The following ZNF791 variants were observed in gnomAD, a reference collection of about 807,000 sequenced individuals.
The protein encoded by ZNF791 is zinc finger protein 791.
In ZNF791, 4 loss-of-function variants were observed where a neutral mutation model predicts 11.5. That is an observed-to-expected ratio of 0.35 (90% CI 0.17 to 0.80). The LOEUF is 0.80. Ranked by LOEUF, ZNF791 falls within the 30% of genes least tolerant of loss-of-function variation. ZNF791 has a pLI of 0.53. For missense variants in ZNF791, 559 were observed against 699.4 expected (o/e 0.80, Z 2.26); for synonymous variants, 212 against 228.1 (o/e 0.93, Z 0.64).
chr19:12,612,206 C>CTT (rs766573356), intron 1 of ZNF791: 622 of 622,554 alleles, frequency 1.0e-3, no homozygotes, highest in Non-Finnish European at 1.1e-3. Flanking sequence ...TTATTATTTT[C>CTT]TTTTTTTTTT....
intron 1 of ZNF791, among the ~76,000 whole-genome samples, chr19:12,613,701 C>A (rs2023196710): frequency 6.6e-6 from 1 of 152,164 alleles, no homozygotes; most frequent in African/African-American, 2.4e-5. Flanking sequence ...CACCTTTGAG[C>A]CTGCAAAGAA....
At chr19:12,625,784 C>CA (rs781019678) in intron 3 of ZNF791, among the ~76,000 whole-genome samples, 1,946 of 81,728 alleles carry the variant, frequency 0.024, 57 homozygotes, top group East Asian at 0.18. Flanking sequence ...GACTCCATCT[C>CA]AAAAAAAAAA....
Position 12,629,072 on chromosome 19 carries a change from A to G in ZNF791, c.1543A>G (p.Met515Val), listed in dbSNP as rs1376903948. Residue 515 changes from methionine to valine, a missense_variant, in exon 4 of 4, where the codon ATG becomes GTG. Transcript: ENST00000343325. ...TTATCCCACAAGCTTTCAAGGACAC[A>G]TGAGAATGCATACTGGAGAGAAACC... is the stretch of plus-strand genomic sequence containing the variant. ...FIYPTSFQGH[M>V]RMHTGEKPYK... 7 of 1,606,204 alleles carry G rather than the reference A, an allele frequency of 4.4e-6. No homozygotes were observed. Among genetic ancestry groups the G allele is most frequent in the Non-Finnish European group, 6.0e-6 (7 of 1,176,248 alleles).
At chr19:12,623,643 G>T in intron 1 of ZNF791, 57 bp from the exon 2 acceptor site, 1 of 1,606,022 alleles carries the variant, frequency 6.2e-7, no homozygotes, top group South Asian at 1.1e-5. Context: ...TATGAATTGA[G>T]GATACCTCTC....
At chr19:12,626,750 G>A (rs1234491396) in intron 3 of ZNF791, among the ~76,000 whole-genome samples, 2 of 151,358 alleles carry the variant, frequency 1.3e-5, no homozygotes, top group African/African-American at 2.4e-5. Context: ...GACTACAGGC[G>A]CCCACCACCA....
intron 1 of ZNF791, among the ~76,000 whole-genome samples, chr19:12,619,490 C>T (rs375346929): frequency 0.59 from 82,219 of 139,394 alleles, 25,977 homozygotes; most frequent in Non-Finnish European, 0.72. Context: ...CGATTTGTCT[C>T]CCAGGCTGGA....
intron 1 of ZNF791, among the ~76,000 whole-genome samples, chr19:12,622,429 A>C (rs1315507895): frequency 2.7e-5 from 4 of 147,224 alleles, no homozygotes; most frequent in South Asian, 4.2e-4. Flanking sequence ...AAAAAAAAAA[A>C]AAACCTCCAC....
chr19:12,615,262 C>T (rs994619157), intron 1 of ZNF791, among the ~76,000 whole-genome samples: 4 of 151,846 alleles, frequency 2.6e-5, no homozygotes, highest in Admixed American at 1.3e-4. Flanking sequence ...GCACTTCTCC[C>T]GCCCTGGCCT....
At chr19:12,620,210 A>C (rs965462741) in intron 1 of ZNF791, among the ~76,000 whole-genome samples, 36 of 148,980 alleles carry the variant, frequency 2.4e-4, no homozygotes, top group African/African-American at 8.7e-4. Context: ...GCCTGTCTTT[A>C]TTTATTTTTG....
Position 12,629,243 on chromosome 19 carries a change from A to G in ZNF791, c.1714A>G (p.Arg572Gly). The G allele has an allele frequency of 6.7e-7, 1 of 1,483,016 alleles. No homozygotes were observed. Among genetic ancestry groups the G allele is most frequent in the Non-Finnish European group, 9.0e-7 (1 of 1,115,798 alleles). The allele number at this position is 1,483,016 out of a possible 1,614,324, so 91.9% of individuals were successfully genotyped here. Residue 572 changes from arginine (R) to glycine (G), a missense_variant, in exon 4 of 4, where the codon AGA becomes GGA. By Grantham distance (125) the Arg-to-Gly change is moderately radical (BLOSUM62 -2). Coordinates refer to ENST00000343325, the MANE Select transcript of ZNF791 (RefSeq NM_153358.3). ...SVSTSLKKHM[R>G]MHNR ...GTCCACATCCTTAAAAAAACATATG[A>G]GAATGCACAATCGATAGAAACTCTA...
At position 12,623,807 on chromosome 19, in the gene ZNF791, C is replaced by A; in HGVS notation, c.111C>A (p.Phe37Leu). 1 of 1,572,426 alleles carries A rather than the reference C, an allele frequency of 6.4e-7. No individual in the cohort carries two copies. The highest frequency in any genetic ancestry group is 8.6e-7 in the Non-Finnish European group (1 of 1,157,064). ...KLYRDVMQET[F>L]KNLASIGEKW... ...ACAGAGATGTGATGCAGGAAACATT[C>A]AAGAACCTGGCATCTATAGGTAAGG... The change falls in exon 2 of 4, where the codon TTC becomes TTA. Residue 37 changes from phenylalanine (F) to leucine (L), a missense_variant. Transcript: ENST00000343325.
At position 12,628,587 on chromosome 19, in the gene ZNF791, A is replaced by G; in HGVS notation, c.1058A>G (p.Glu353Gly). 6.3e-7 allele frequency: 1 copy of G among 1,599,772 alleles called. No individual in the cohort carries two copies. The highest frequency in any genetic ancestry group is 8.5e-7 in the Non-Finnish European group (1 of 1,174,184). Residue 353 changes from glutamate to glycine, a missense_variant, in exon 4 of 4, where the codon GAG (glutamate) becomes GGG (glycine). By Grantham distance (98) the Glu-to-Gly change is moderately conservative. Coordinates refer to ENST00000343325, the MANE Select transcript of ZNF791 (RefSeq NM_153358.3). Reference protein sequence around the residue: ...FRVHVRVHTGEKPYKCKECGK... With the variant: ...FRVHVRVHTGGKPYKCKECGK... ...GTACACGTGAGAGTGCATACTGGAG[A>G]GAAACCCTATAAGTGTAAAGAATGT...
intron 1 of ZNF791, among the ~76,000 whole-genome samples, chr19:12,613,604 A>C (rs1450217012): frequency 6.6e-6 from 1 of 152,044 alleles, no homozygotes; most frequent in Non-Finnish European, 1.5e-5. Flanking sequence ...AATTTAATTA[A>C]ATTGTCTCAT....
Position 12,631,341 on chromosome 19 carries a change from C to T in ZNF791, c.*2081C>T, listed in dbSNP as rs2023499215. 1 of 152,202 alleles carries T rather than the reference C, an allele frequency of 6.6e-6. No individual in the cohort carries two copies. Among genetic ancestry groups the T allele is most frequent in the South Asian group, 2.1e-4 (1 of 4,832 alleles). The allele number at this position is 152,202 out of a possible 1,614,324, so 9.4% of individuals were successfully genotyped here. A position where few individuals can be genotyped will look rare whatever the true frequency, so the allele number is the denominator to read the frequency against. On this transcript the variant is annotated 3_prime_UTR_variant, in exon 4 of 4. Coordinates refer to ENST00000343325, the MANE Select transcript of ZNF791 (RefSeq NM_153358.3). ...GTTTGTACCATGAGGAAATCACCTACAACACGTTTCTCAGAACATATACCC... is the reference window on the plus strand; with the variant it reads ...GTTTGTACCATGAGGAAATCACCTATAACACGTTTCTCAGAACATATACCC...
intron 1 of ZNF791, among the ~76,000 whole-genome samples, chr19:12,622,793 C>G (rs1227753581): frequency 6.6e-6 from 1 of 150,802 alleles, no homozygotes. Flanking sequence ...ACTTCGGAGG[C>G]TGAGGCAGAG....
In ZNF791 at chr19:12,623,876, G is replaced by GGGC. The variant is rs35962027; in HGVS notation, c.130+52_130+53insCGG. 6.7e-4 allele frequency: 556 copies of GGGC among 833,958 alleles called. 52 individuals are homozygous for GGGC. The highest frequency in any genetic ancestry group is 9.3e-4 in the Non-Finnish European group (512 of 548,488). 51.7% of individuals were successfully genotyped at this position (833,958 alleles called of 1,614,324 possible). On this transcript the variant is annotated intron_variant, in intron 2 of 3. Transcript: ENST00000343325. ...TTTTCTTTTTTTTTTTTTTTGGGGG[G>GGGC]GGACAGAGTTTCACTATTGTCCAGG...
In ZNF791 at chr19:12,629,202, G is replaced by A; in HGVS notation, c.1673G>A (p.Gly558Glu). Residue 558 changes from glycine (G) to glutamate (E), a missense_variant, in exon 4 of 4, where the codon GGA (glycine) becomes GAA (glutamate). Gly to Glu is a moderately conservative substitution (Grantham distance 98). Transcript: ENST00000343325. ...AAACCTCTTGAATGTAAGCAATGTG[G>A]AAAAGCCTTCAGTGTGTCCACATCC... Reference protein sequence around the residue: ...YEKPLECKQCGKAFSVSTSLK... With the variant: ...YEKPLECKQCEKAFSVSTSLK... 4 of 1,566,496 alleles carry A rather than the reference G, an allele frequency of 2.6e-6. No individual in the cohort carries two copies. Among genetic ancestry groups the A allele is most frequent in the Non-Finnish European group, 3.4e-6 (4 of 1,159,558 alleles).
chr19:12,628,887 G>T lies in ZNF791; in HGVS notation c.1358G>T (p.Ser453Ile). ...TGTGGGAAGGTGTTCATTTTTCCTA[G>T]TGCGTTACGAACACATGAAAGAACT... ...RDCGKVFIFP[S>I]ALRTHERTHT... is the part of the protein sequence containing the mutation. The change falls in exon 4 of 4, where the codon AGT becomes ATT. Residue 453 changes from serine (S) to isoleucine (I), a missense_variant. Ser to Ile is a moderately radical substitution (Grantham distance 142). Coordinates refer to ENST00000343325, the MANE Select transcript of ZNF791 (RefSeq NM_153358.3). 1 of 1,613,306 alleles carries T rather than the reference G, an allele frequency of 6.2e-7. No homozygotes were observed. The highest frequency in any genetic ancestry group is 1.7e-5 in the Admixed American group (1 of 59,896).
In ZNF791 at chr19:12,630,375, G is replaced by T. The variant is rs2023488849; in HGVS notation, c.*1115G>T. ...GGAGGCCAAAGCAGGAGAATCGCTT[G>T]AACCCGGGAGGTGGAGATTGCAGTG... is the stretch of plus-strand genomic sequence containing the variant. On this transcript the variant is annotated 3_prime_UTR_variant, in exon 4 of 4. Transcript: ENST00000343325. 6.6e-6 allele frequency: 1 copy of T among 151,956 alleles called. No homozygotes were observed. Among genetic ancestry groups the T allele is most frequent in the African/African-American group, 2.4e-5 (1 of 41,362 alleles). 9.4% of individuals were successfully genotyped at this position (151,956 alleles called of 1,614,324 possible).
Sources: allele counts gnomAD v4.1 joint callset (sites outside exome capture counted in the v4.1 genomes callset), GRCh38; gene constraint gnomAD v4.1.1; transcripts MANE v1.5; gene names NCBI Gene and HGNC (gene_info 2026-07-23, HGNC 2026-07-21).